The following ARL15 variants were observed in gnomAD, a reference collection of about 807,000 sequenced individuals.
ARL15 encodes the protein ARF like GTPase 15.
In ARL15, 19 loss-of-function variants were observed where a neutral mutation model predicts 25.2. That is an observed-to-expected ratio of 0.75 (90% confidence interval 0.53 to 1.10). The LOEUF (loss-of-function observed/expected upper bound fraction) is 1.10, where lower values mean the gene tolerates loss of function less well. Ranked by LOEUF, ARL15 falls within the 50% of genes least tolerant of loss-of-function variation. The pLI, the probability that ARL15 is intolerant of heterozygous loss-of-function variation, is 0.00. For synonymous variants in ARL15, 94 were observed against 86.8 expected, an observed-to-expected ratio of 1.08 and a Z score of -0.46; for missense variants, 220 against 246.0, an observed-to-expected ratio of 0.89 and a Z score of 0.71.
chr5:54,296,024 G>A (rs1758458530), intron 1 of ARL15, among the ~76,000 whole-genome samples: 1 of 152,164 alleles, frequency 6.6e-6, no homozygotes, highest in Non-Finnish European at 1.5e-5. Flanking sequence ...GCCGAACTTA[G>A]GTAACAGCTG....
chr5:54,066,268 T>C lies in ARL15; in HGVS notation c.462+46934A>G, dbSNP rs563981066. Among the ~76,000 whole-genome samples the C allele has an allele frequency of 2.0e-5, 3 of 152,272 alleles. No homozygotes were observed. The South Asian group carries it at 6.2e-4, about 32-fold the overall frequency. ...GCCAACAGAAAAGGTAGGAAAAGAA[T>C]TCACGAGCGACATAGTGCATATATG... On this transcript the variant is annotated intron_variant, in intron 4 of 4. Transcript: ENST00000504924.
chr5:53,992,866 G>A (rs997684985), intron 4 of ARL15, among the ~76,000 whole-genome samples: 7 of 152,270 alleles, frequency 4.6e-5, no homozygotes, highest in African/African-American at 1.7e-4. Context: ...GACCAACATG[G>A]AGAAACCCTG....
At chr5:54,262,626 T>C (rs1757522518) in intron 1 of ARL15, among the ~76,000 whole-genome samples, 1 of 152,186 alleles carries the variant, frequency 6.6e-6, no homozygotes, top group African/African-American at 2.4e-5. Flanking sequence ...TTGTCTCCTA[T>C]CTCTATTAAG....
intron 1 of ARL15, among the ~76,000 whole-genome samples, chr5:54,224,409 G>A (rs559028891): frequency 1.6e-4 from 25 of 152,298 alleles, no homozygotes; most frequent in East Asian, 1.2e-3. Context: ...CCAAGTATAC[G>A]AGGCCAGCAG....
chr5:54,063,994 G>A (rs1443400370), intron 4 of ARL15, among the ~76,000 whole-genome samples: 1 of 152,018 alleles, frequency 6.6e-6, no homozygotes, highest in Non-Finnish European at 1.5e-5. Flanking sequence ...TTTCACACAG[G>A]GTCATAGAAA....
At chr5:53,958,202 A>G (rs1747233004) in intron 4 of ARL15, among the ~76,000 whole-genome samples, 2 of 152,118 alleles carry the variant, frequency 1.3e-5, no homozygotes, top group South Asian at 4.1e-4. Context: ...GAAAAAAAAA[A>G]AAGACAAATG....
At chr5:54,215,631 G>A (rs1362703248) in intron 1 of ARL15, among the ~76,000 whole-genome samples, 1 of 143,494 alleles carries the variant, frequency 7.0e-6, no homozygotes, top group Non-Finnish European at 1.6e-5. Flanking sequence ...GGGGAGGGGG[G>A]GAAAAAGGAA....
intron 4 of ARL15, among the ~76,000 whole-genome samples, chr5:54,087,024 A>G (rs970514279): frequency 1.3e-4 from 20 of 152,200 alleles, no homozygotes; most frequent in Non-Finnish European, 2.5e-4. Context: ...AACCTGGGTA[A>G]GCAGAAGTAA....
At chr5:54,298,395 G>A (rs890242323) in intron 1 of ARL15, among the ~76,000 whole-genome samples, 4 of 152,078 alleles carry the variant, frequency 2.6e-5, no homozygotes, top group African/African-American at 7.2e-5. Flanking sequence ...GGTCATCCTC[G>A]GCCCTCCGTC....
At chr5:54,287,800 A>G (rs1758220470) in intron 1 of ARL15, among the ~76,000 whole-genome samples, 1 of 152,176 alleles carries the variant, frequency 6.6e-6, no homozygotes, top group South Asian at 2.1e-4. Flanking sequence ...GCAAAGGCCC[A>G]CAAGCAAGAT....
chr5:54,306,414 G>C (rs1346757488), intron 1 of ARL15, among the ~76,000 whole-genome samples: 1 of 82,054 alleles, frequency 1.2e-5, no homozygotes, highest in Admixed American at 1.4e-4. Context: ...TTTTTGTCTT[G>C]AGACGGAGTC....
intron 2 of ARL15, among the ~76,000 whole-genome samples, chr5:54,162,228 G>A (rs921957014): frequency 1.3e-5 from 2 of 151,878 alleles, no homozygotes; most frequent in Non-Finnish European, 2.9e-5. Context: ...ACAACATCTT[G>A]CCCTCCTTTC....
intron 4 of ARL15, among the ~76,000 whole-genome samples, chr5:54,011,956 C>A (rs1299631681): frequency 3.9e-5 from 6 of 151,920 alleles, no homozygotes; most frequent in African/African-American, 1.5e-4. Flanking sequence ...TTGCAGTGAG[C>A]TGAGATCGCG....
At chr5:54,281,785 A>G (rs1299395270) in intron 1 of ARL15, among the ~76,000 whole-genome samples, 1 of 152,230 alleles carries the variant, frequency 6.6e-6, no homozygotes, top group Non-Finnish European at 1.5e-5. Flanking sequence ...TGAACTCCAT[A>G]GAAATGAAAT....
At chr5:54,037,816 C>A (rs1208548271) in intron 4 of ARL15, among the ~76,000 whole-genome samples, 1 of 151,954 alleles carries the variant, frequency 6.6e-6, no homozygotes, top group African/African-American at 2.4e-5. Flanking sequence ...AAGGGGACAT[C>A]ATAGTATGCT....
chr5:54,177,490 G>T (rs1037874499), intron 1 of ARL15, among the ~76,000 whole-genome samples: 2 of 152,194 alleles, frequency 1.3e-5, no homozygotes, highest in East Asian at 3.9e-4. Flanking sequence ...TTGCATTTCA[G>T]TCTGATGACC....
At chr5:54,228,653 T>C (rs1756589721) in intron 1 of ARL15, among the ~76,000 whole-genome samples, 1 of 152,216 alleles carries the variant, frequency 6.6e-6, no homozygotes, top group African/African-American at 2.4e-5. Flanking sequence ...ACAAGTAGTT[T>C]GCTTATTTGT....
rs879641476 is a variant in ARL15 at position 54,029,318 on chromosome 5, CACCACCACCACCACT to C, written c.462+83869_462+83883del. Among the ~76,000 whole-genome samples, 540 of 116,026 alleles carry C rather than the reference CACCACCACCACCACT, an allele frequency of 4.7e-3. 2 individuals are homozygous for C. The highest frequency in any genetic ancestry group is 0.013 in the Middle Eastern group (3 of 224). 76.1% of individuals were successfully genotyped at this position (116,026 alleles called of 152,430 possible). On this transcript the variant is annotated intron_variant, in intron 4 of 4. Coordinates refer to ENST00000504924, the MANE Select transcript of ARL15 (RefSeq NM_019087.3). Reference sequence around the variant, plus strand: ...TTATAAAAACAGTTACCACCACCACCACCACCACCACCACTACCACCACCACCACCACCACCACCA... The same window carrying C: ...TTATAAAAACAGTTACCACCACCACCACCACCACCACCACCACCACCACCA...
intron 1 of ARL15, among the ~76,000 whole-genome samples, chr5:54,226,863 C>A (rs1756533416): frequency 6.6e-6 from 1 of 151,988 alleles, no homozygotes; most frequent in Non-Finnish European, 1.5e-5. Context: ...TGGGAGGGGC[C>A]CAGTGGGAGA....
Sources: allele counts gnomAD v4.1 joint callset (sites outside exome capture counted in the v4.1 genomes callset), GRCh38; gene constraint gnomAD v4.1.1; transcripts MANE v1.5; gene names NCBI Gene and HGNC (gene_info 2026-07-23, HGNC 2026-07-21).